Variants in RABEP1 observed in about 807,000 individuals in gnomAD.
RABEP1 encodes the protein rabaptin, RAB GTPase binding effector protein 1.
A neutral mutation model predicts 123.4 loss-of-function variants in RABEP1; 51 were observed. That is an observed-to-expected ratio of 0.41 (90% CI 0.33 to 0.52). The LOEUF is 0.52. RABEP1 is among the 20% of genes least tolerant of loss of function. The probability of loss-of-function intolerance (pLI) is 0.16; values close to 1 mark genes in which losing one functional copy is unlikely to be tolerated. For missense variants in RABEP1, 888 were observed against 996.3 expected, an observed-to-expected ratio of 0.89 and a Z score of 1.46; for synonymous variants, 347 against 355.2, an observed-to-expected ratio of 0.98 and a Z score of 0.26.
intron 17 of RABEP1, chr17:5,381,861 T>A (rs549600461): frequency 5.6e-6 from 1 of 179,482 alleles, no homozygotes; most frequent in African/African-American, 2.4e-5. Context: ...CAGCGTGGTG[T>A]TCTGTCTGGT....
In RABEP1 at chr17:5,373,407, G is replaced by A. The variant is rs1403092578; in HGVS notation, c.1978G>A (p.Val660Met). The A allele has an allele frequency of 6.2e-6, 10 of 1,613,176 alleles. No individual in the cohort carries two copies. The highest frequency in any genetic ancestry group is 8.5e-6 in the Non-Finnish European group (10 of 1,179,848). The change falls in exon 13 of 18, where the codon GTG becomes ATG. Residue 660 changes from valine to methionine, a missense_variant. Physicochemically the swap from Val to Met is conservative, Grantham distance 21. Coordinates refer to ENST00000537505, the MANE Select transcript of RABEP1 (RefSeq NM_004703.6). ...DSLQGKHSLH[V>M]SLQQAEDFIL... ...TCTCCAGGGAAAGCACAGCCTGCAT[G>A]TGTCATTACAGCAAGCAGAAGACTT...
intron 11 of RABEP1, among the ~76,000 whole-genome samples, chr17:5,366,113 T>TGAG (rs1256489394): frequency 3.3e-5 from 5 of 152,212 alleles, no homozygotes; most frequent in Non-Finnish European, 7.3e-5. Flanking sequence ...CAGCAATGTA[T>TGAG]GAGAGTTCCT....
At chr17:5,366,569 C>T (rs1910012000) in intron 11 of RABEP1, among the ~76,000 whole-genome samples, 1 of 151,994 alleles carries the variant, frequency 6.6e-6, no homozygotes, top group African/African-American at 2.4e-5. Context: ...CCTCAGCCTC[C>T]TGAGTAGCTG....
intron 11 of RABEP1, among the ~76,000 whole-genome samples, chr17:5,366,247 C>T (rs1340538420): frequency 6.6e-6 from 1 of 152,136 alleles, no homozygotes; most frequent in Non-Finnish European, 1.5e-5. Context: ...AGTTACTTAG[C>T]ATTTTTCATG....
chr17:5,357,637 C>T (rs767591664), intron 8 of RABEP1, among the ~76,000 whole-genome samples: 14 of 152,306 alleles, frequency 9.2e-5, no homozygotes, highest in South Asian at 4.1e-4. Flanking sequence ...TCCCAAAGTG[C>T]TGGGATTACA....
At chr17:5,323,900 G>A (rs61222806) in intron 2 of RABEP1, among the ~76,000 whole-genome samples, 11,659 of 116,770 alleles carry the variant, frequency 0.1, 1,509 homozygotes, top group East Asian at 0.47. Flanking sequence ...CCAAAGAAGC[G>A]AAAGATCTGT....
intron 1 of RABEP1, among the ~76,000 whole-genome samples, chr17:5,290,118 C>T (rs1052296164): frequency 3.9e-5 from 6 of 152,236 alleles, no homozygotes; most frequent in East Asian, 1.9e-4. Context: ...GATGGAGTCT[C>T]GCTCTGTCGC....
At chr17:5,358,668 C>A (rs1282200354) in intron 8 of RABEP1, among the ~76,000 whole-genome samples, 1 of 143,866 alleles carries the variant, frequency 7.0e-6, no homozygotes, top group Non-Finnish European at 1.5e-5. Context: ...GAGACTGTCT[C>A]CAGGAAAAAA....
intron 2 of RABEP1, among the ~76,000 whole-genome samples, chr17:5,325,314 T>A (rs1320863650): frequency 6.6e-6 from 1 of 151,748 alleles, no homozygotes; most frequent in Admixed American, 6.6e-5. Context: ...CACTCCAACC[T>A]GGGCAACAAG....
intron 8 of RABEP1, among the ~76,000 whole-genome samples, chr17:5,356,173 G>T (rs1198656706): frequency 6.6e-6 from 1 of 152,096 alleles, no homozygotes; most frequent in Non-Finnish European, 1.5e-5. Context: ...AGCTAACATG[G>T]TGTGAAACCC....
Position 5,384,091 on chromosome 17 carries a change from C to T in RABEP1, c.*868C>T, listed in dbSNP as rs570604220. Reference sequence around the variant, plus strand: ...GTTTTTAAATAGGCTAATTTTTCAACTTGGATCATTAGGCTTACGTACTAC... The same window carrying T: ...GTTTTTAAATAGGCTAATTTTTCAATTTGGATCATTAGGCTTACGTACTAC... On this transcript the variant is annotated 3_prime_UTR_variant, in exon 18 of 18. Coordinates refer to ENST00000537505, the MANE Select transcript of RABEP1 (RefSeq NM_004703.6). 1.4e-5 allele frequency: 3 copies of T among 214,948 alleles called. No individual in the cohort carries two copies. Among genetic ancestry groups the T allele is most frequent in the Non-Finnish European group, 2.8e-5 (3 of 106,706 alleles). 13.3% of individuals were successfully genotyped at this position (214,948 alleles called of 1,614,324 possible).
chr17:5,367,602 T>C (rs1367502040), intron 11 of RABEP1, among the ~76,000 whole-genome samples: 1 of 148,154 alleles, frequency 6.7e-6, no homozygotes, highest in Non-Finnish European at 1.5e-5. Flanking sequence ...AAAGTATGGA[T>C]AGCCAATTTC....
chr17:5,348,431 T>G (rs750276196), intron 6 of RABEP1, among the ~76,000 whole-genome samples: 6 of 152,206 alleles, frequency 3.9e-5, no homozygotes, highest in Admixed American at 6.5e-5. Context: ...TCAGCACAAT[T>G]AGAATACAAG....
chr17:5,283,208 A>G (rs1310391158), intron 1 of RABEP1, among the ~76,000 whole-genome samples: 2 of 152,134 alleles, frequency 1.3e-5, no homozygotes, highest in African/African-American at 2.4e-5. Flanking sequence ...ATGTGTATAT[A>G]CAATAATAGT....
chr17:5,306,622 T>C (rs1384299178), intron 1 of RABEP1, among the ~76,000 whole-genome samples: 3 of 120,866 alleles, frequency 2.5e-5, no homozygotes, highest in Non-Finnish European at 4.9e-5. Flanking sequence ...AGTGAGACTC[T>C]GTCTGAAAAA....
At chr17:5,306,397 G>A (rs1014975456) in intron 1 of RABEP1, among the ~76,000 whole-genome samples, 6 of 152,216 alleles carry the variant, frequency 3.9e-5, no homozygotes, top group African/African-American at 1.4e-4. Flanking sequence ...GGAGGCCGAG[G>A]TGGGTGGATC....
intron 11 of RABEP1, among the ~76,000 whole-genome samples, chr17:5,366,906 A>T (rs917929343): frequency 6.6e-6 from 1 of 151,572 alleles, no homozygotes; most frequent in Non-Finnish European, 1.5e-5. Context: ...CCTGACCAAC[A>T]TGGAGAAACC....
At chr17:5,352,621 A>G (rs535788094) in intron 7 of RABEP1, among the ~76,000 whole-genome samples, 1 of 150,924 alleles carries the variant, frequency 6.6e-6, no homozygotes, top group Admixed American at 6.6e-5. Context: ...ACCTCAGGTC[A>G]GGAGTTTGAG....
intron 4 of RABEP1, chr17:5,336,616 T>G: frequency 5.2e-6 from 2 of 384,362 alleles, no homozygotes; most frequent in Non-Finnish European, 9.9e-6. Flanking sequence ...TTTTAAAGGT[T>G]TTGTTTATGA....
Sources: gnomAD v4.1 joint callset for allele counts (sites outside exome capture counted in the v4.1 genomes callset) on GRCh38, gnomAD v4.1.1 for gene constraint, MANE v1.5 for transcripts, NCBI Gene and HGNC (gene_info 2026-07-23, HGNC 2026-07-21) for gene names.